Variants in HTRA4 observed in about 807,000 individuals in gnomAD.
The protein encoded by HTRA4 is serine protease HTRA4.
Under a neutral mutation model 49.1 loss-of-function variants are expected in HTRA4, and 46 were observed. That is an observed-to-expected ratio of 0.94 (90% CI 0.74 to 1.20). The LOEUF (loss-of-function observed/expected upper bound fraction) is 1.20, where lower values mean the gene tolerates loss of function less well. Among genes scored for constraint, HTRA4 ranks in the 50% most tolerant of loss-of-function variants. The pLI is 0.00. For missense variants in HTRA4, 602 were observed against 636.9 expected (o/e 0.95, Z 0.59); for synonymous variants, 261 against 264.0 (o/e 0.99, Z 0.11).
chr8:38,987,429 T>C (rs568638095), intron 8 of HTRA4, among the ~76,000 whole-genome samples: 1 of 118,460 alleles, frequency 8.4e-6, no homozygotes, highest in South Asian at 2.8e-4. Context: ...AGAATTCCTA[T>C]AATGCAGCTC....
At chr8:38,977,830 T>G in intron 3 of HTRA4, 123 bp from the exon 4 acceptor site, 7 of 902,758 alleles carry the variant, frequency 7.8e-6, no homozygotes, top group South Asian at 3.7e-5. Flanking sequence ...GCTTCTCAGG[T>G]GGTAAGGGCC....
Position 38,981,768 on chromosome 8 carries a change from G to C in HTRA4, c.1114+1G>C. The C allele has an allele frequency of 6.3e-7, 1 of 1,599,106 alleles. No individual in the cohort carries two copies. Among genetic ancestry groups the C allele is most frequent in the Non-Finnish European group, 8.6e-7 (1 of 1,168,642 alleles). ...GAATACCATGAGCACCAGATGAAAG[G>C]TAAAGCAAGTTGGGATTTTTTTTTT... On this transcript the variant is annotated splice_donor_variant, in intron 6 of 8. Transcript: ENST00000302495. LOFTEE classifies it high-confidence loss of function.
chr8:38,979,534 T>C (rs1835394010), intron 5 of HTRA4, among the ~76,000 whole-genome samples: 1 of 152,228 alleles, frequency 6.6e-6, no homozygotes, highest in Non-Finnish European at 1.5e-5. Flanking sequence ...AGTCAATAGT[T>C]AGAAAAAATT....
intron 1 of HTRA4, 40 bp downstream of exon 1, chr8:38,974,769 C>G (rs1564173670): frequency 8.5e-6 from 12 of 1,416,016 alleles, no homozygotes; most frequent in Non-Finnish European, 1.1e-5. Flanking sequence ...CACTTTCTAA[C>G]TCTGGAGGAG....
In HTRA4 at chr8:38,981,899, G is replaced by T. The variant is rs1835428992; in HGVS notation, c.1114+132G>T. ...AATTTTGCTCGTCATCCAGGTTGGAGTGCAGTGGCGTGATCTTGGTTTACT... is the reference window on the plus strand; with the variant it reads ...AATTTTGCTCGTCATCCAGGTTGGATTGCAGTGGCGTGATCTTGGTTTACT... On this transcript the variant is annotated intron_variant, in intron 6 of 8. Transcript: ENST00000302495. The T allele has an allele frequency of 7.7e-6, 5 of 645,790 alleles. No homozygotes were observed. In the South Asian group the frequency reaches 9.7e-5, roughly 12 times the overall value. The allele number at this position is 645,790 out of a possible 1,614,324, so 40.0% of individuals were successfully genotyped here.
intron 5 of HTRA4, among the ~76,000 whole-genome samples, chr8:38,979,693 A>G (rs1427718754): frequency 1.3e-5 from 2 of 151,886 alleles, no homozygotes; most frequent in African/African-American, 4.8e-5. Context: ...TTATTTATTT[A>G]TTTAATAGAG....
Position 38,979,375 on chromosome 8 carries a change from G to C in HTRA4, c.999+128G>C. 3.5e-6 allele frequency: 3 copies of C among 868,262 alleles called. No homozygotes were observed. In the East Asian group the frequency reaches 7.2e-5, roughly 21 times the overall value. The allele number at this position is 868,262 out of a possible 1,614,324, so 53.8% of individuals were successfully genotyped here. On this transcript the variant is annotated intron_variant, in intron 5 of 8. Coordinates refer to ENST00000302495, the MANE Select transcript of HTRA4 (RefSeq NM_153692.4). ...ATTTGGGATGACTGCTTGGGGCCAG[G>C]AGTTTGAGACTAGCCTGGGCAAGAC...
At chr8:38,976,821 C>A in intron 3 of HTRA4, 82 bp downstream of exon 3, 1 of 1,252,870 alleles carries the variant, frequency 8.0e-7, no homozygotes, top group Non-Finnish European at 1.1e-6. Flanking sequence ...CCACTACACT[C>A]TCACACCACA....
chr8:38,974,812 A>C (rs767068750), intron 1 of HTRA4, 83 bp downstream of exon 1: 26 of 1,309,460 alleles, frequency 2.0e-5, no homozygotes, highest in Non-Finnish European at 2.6e-5. Flanking sequence ...GAGACCGCAC[A>C]GTTCGCGCCT....
At chr8:38,977,834 A>G in intron 3 of HTRA4, 119 bp from the exon 4 acceptor site, 3 of 980,100 alleles carry the variant, frequency 3.1e-6, no homozygotes, top group Admixed American at 2.9e-5. Context: ...CTCAGGTGGT[A>G]AGGGCCAAGG....
intron 5 of HTRA4, 60 bp from the exon 6 acceptor site, chr8:38,981,592 TG>T: frequency 9.2e-7 from 1 of 1,087,176 alleles, no homozygotes; most frequent in Non-Finnish European, 1.4e-6. Flanking sequence ...CTGCTTGTTC[TG>T]GTCTTGCACT....
chr8:38,983,596 CAT>C (rs1230767685), intron 8 of HTRA4, among the ~76,000 whole-genome samples: 5 of 151,860 alleles, frequency 3.3e-5, no homozygotes, highest in East Asian at 1.9e-4. Context: ...ATTTCAAAGA[CAT>C]AGGAAACAGA....
rs1030281350 is a variant in HTRA4, at chr8:38,979,317, A to G, written c.999+70A>G. The G allele has an allele frequency of 4.9e-6, 7 of 1,421,992 alleles. No homozygotes were observed. The African/African-American group carries it at 8.4e-5, about 17-fold the overall frequency. The allele number at this position is 1,421,992 out of a possible 1,614,324, so 88.1% of individuals were successfully genotyped here. On this transcript the variant is annotated intron_variant, in intron 5 of 8. Transcript: ENST00000302495. ...TCAAAGACTTTATTAATTCCAGGCC[A>G]GGGGTGGTGGCTCATGCCTGTAATC...
intron 5 of HTRA4, among the ~76,000 whole-genome samples, chr8:38,980,418 G>GT (rs1401956076): frequency 2.6e-5 from 4 of 152,062 alleles, no homozygotes; most frequent in African/African-American, 9.7e-5. Flanking sequence ...ACAATCTGTA[G>GT]TTTAACACAA....
chr8:38,974,917 G>T, intron 1 of HTRA4, 114 bp from the exon 2 acceptor site: 1 of 1,333,694 alleles, frequency 7.5e-7, no homozygotes, highest in Non-Finnish European at 1.1e-6. Flanking sequence ...CTGCTACGTG[G>T]TTTCTCCCTC....
Position 38,974,599 on chromosome 8 carries a change from AG to A in HTRA4, c.340del (p.Ala114ProfsTer93). The A allele has an allele frequency of 7.0e-7, 1 of 1,427,628 alleles. No individual in the cohort carries two copies. Among genetic ancestry groups the A allele is most frequent in the Non-Finnish European group, 9.1e-7 (1 of 1,096,970 alleles). 88.4% of individuals were successfully genotyped at this position (1,427,628 alleles called of 1,614,324 possible). A position where few individuals can be genotyped will look rare whatever the true frequency, so the allele number is the denominator to read the frequency against. ...PSTCGCPTLG[G>X]AVCGSDRRTY... ...GCACCTGCGGTTGCCCGACGCTGGG[AG>A]GGGCCGTGTGCGGCAGCGACAGGCG... On this transcript the variant is annotated frameshift_variant, in exon 1 of 9. Transcript: ENST00000302495. LOFTEE classifies it high-confidence loss of function.
chr8:38,974,951 C>T lies in HTRA4; in HGVS notation c.467-80C>T. 5 of 1,532,370 alleles carry T rather than the reference C, an allele frequency of 3.3e-6. No individual in the cohort carries two copies. In the East Asian group the frequency reaches 9.0e-5, roughly 28 times the overall value. 94.9% of individuals were successfully genotyped at this position (1,532,370 alleles called of 1,614,324 possible). Reference sequence around the variant, plus strand: ...TCCCCATGCACCTTTTGAACACTGTCTTGCCTTTAACATTTTTCCAACTAG... The same window carrying T: ...TCCCCATGCACCTTTTGAACACTGTTTTGCCTTTAACATTTTTCCAACTAG... On this transcript the variant is annotated intron_variant, in intron 1 of 8. Transcript: ENST00000302495.
Position 38,974,253 on chromosome 8 carries a change from G to A in HTRA4, c.-11G>A. On this transcript the variant is annotated 5_prime_UTR_variant, in exon 1 of 9. Coordinates refer to ENST00000302495, the MANE Select transcript of HTRA4 (RefSeq NM_153692.4). ...AAAGTCACTGAAGAGTGGAAGCGAG[G>A]AAGGAACAGGATGATTAGACCTCAG... The A allele has an allele frequency of 6.2e-7, 1 of 1,612,388 alleles. No individual in the cohort carries two copies. The highest frequency in any genetic ancestry group is 8.5e-7 in the Non-Finnish European group (1 of 1,179,470).
chr8:38,980,034 C>T (rs573158291), intron 5 of HTRA4, among the ~76,000 whole-genome samples: 52 of 152,348 alleles, frequency 3.4e-4, no homozygotes, highest in African/African-American at 1.2e-3. Flanking sequence ...TTCAAGTGAG[C>T]TGCCTGCCTT....
Sources: gnomAD v4.1 joint callset for allele counts (sites outside exome capture counted in the v4.1 genomes callset) on GRCh38, gnomAD v4.1.1 for gene constraint, MANE v1.5 for transcripts, NCBI Gene and HGNC (gene_info 2026-07-23, HGNC 2026-07-21) for gene names.